Variants in DMD observed in about 807,000 individuals in gnomAD.
The protein encoded by DMD is dystrophin.
A neutral mutation model predicts 330.1 loss-of-function variants in DMD; 63 were observed. That is an observed-to-expected ratio of 0.19 (90% confidence interval 0.16 to 0.24). The LOEUF is 0.24. Among genes scored for constraint, DMD ranks in the 10% least tolerant of loss-of-function variants. The pLI is 1.00. For missense variants in DMD, 3,344 were observed against 2,684.1 expected (o/e 1.25, Z -5.43); for synonymous variants, 1,223 against 959.8 (o/e 1.27, Z -5.07).
intron 64 of DMD, among the ~76,000 whole-genome samples, chrX:31,213,449 AC>A (rs201233279): frequency 0.074 from 8,283 of 111,465 alleles, 299 homozygotes; most frequent in Admixed American, 0.15. Flanking sequence ...GATATAAGAA[AC>A]CCTGGCTGAA....
chrX:32,768,670 C>T (rs982205730), intron 7 of DMD, among the ~76,000 whole-genome samples: 11 of 111,752 alleles, frequency 9.8e-5, no homozygotes, highest in South Asian at 3.7e-4. Flanking sequence ...ACTGGGACCA[C>T]GATTTTCTTA....
chrX:32,249,971 T>A (rs760704288), intron 43 of DMD, among the ~76,000 whole-genome samples: 1 of 104,518 alleles, frequency 9.6e-6, no homozygotes, highest in South Asian at 4.0e-4. Flanking sequence ...TTAAAACTAT[T>A]TTGTACATAA....
intron 59 of DMD, among the ~76,000 whole-genome samples, chrX:31,447,848 G>C (rs925148014): frequency 9.3e-6 from 1 of 106,969 alleles, no homozygotes; most frequent in African/African-American, 3.4e-5. Context: ...CTCTACTAAA[G>C]ATACAAAAAT....
intron 2 of DMD, among the ~76,000 whole-genome samples, chrX:32,951,369 G>GA (rs1393009390): frequency 9.0e-6 from 1 of 111,474 alleles, no homozygotes; most frequent in East Asian, 2.8e-4. Context: ...AATTTTAAGG[G>GA]GAAAATATCA....
At chrX:32,264,143 G>A (rs184169947) in intron 43 of DMD, among the ~76,000 whole-genome samples, 174 of 110,580 alleles carry the variant, frequency 1.6e-3, no homozygotes, top group Non-Finnish European at 2.5e-3. Flanking sequence ...GGTCACTCCC[G>A]TGCTGCTGTT....
intron 44 of DMD, chrX:32,205,963 A>G (rs1318082350): frequency 2.4e-6 from 1 of 415,004 alleles, no homozygotes. Context: ...CTAAAGGCCG[A>G]CAAAGATGAT....
At chrX:31,383,675 C>T (rs762673605) in intron 60 of DMD, among the ~76,000 whole-genome samples, 2 of 111,931 alleles carry the variant, frequency 1.8e-5, no homozygotes, top group African/African-American at 6.5e-5. Context: ...GTAAAAATCC[C>T]AGGCTCAGCC....
intron 64 of DMD, among the ~76,000 whole-genome samples, chrX:31,216,601 C>T (rs1421616000): frequency 8.9e-6 from 1 of 112,191 alleles, no homozygotes; most frequent in Non-Finnish European, 1.9e-5. Context: ...TCGAGACCCC[C>T]TTGCTGTGGA....
At chrX:32,064,289 CTA>C (rs2096247196) in intron 44 of DMD, among the ~76,000 whole-genome samples, 1 of 111,104 alleles carries the variant, frequency 9.0e-6, no homozygotes, top group Non-Finnish European at 1.9e-5. Flanking sequence ...AAGACAATTT[CTA>C]TGTGTGTGTG....
Position 32,496,629 on chromosome X carries a change from CTCTT to C in DMD, c.2381-5115_2381-5112del, listed in dbSNP as rs770097602. Among the ~76,000 whole-genome samples, 583 of 112,761 alleles carry C rather than the reference CTCTT, an allele frequency of 5.2e-3. 9 individuals carry two copies. Among genetic ancestry groups the C allele is most frequent in the African/African-American group, 0.017 (514 of 31,097 alleles). On this transcript the variant is annotated intron_variant, in intron 19 of 78. Transcript: ENST00000357033. Reference sequence around the variant, plus strand: ...CCACAACAACAGTGACAACAACAGTCTCTTTCTTTCACACACATGGACACACACA... The same window carrying C: ...CCACAACAACAGTGACAACAACAGTCTCTTTCACACACATGGACACACACA...
rs187427206 is a variant in DMD, at chrX:32,491,939, T to A, written c.2381-421A>T. 4.3e-3 allele frequency among the ~76,000 whole-genome samples: 482 copies of A among 112,186 alleles called. 2 individuals carry two copies. The highest frequency in any genetic ancestry group is 7.2e-3 in the Non-Finnish European group (384 of 53,217). ...TCCCCAAACTAACTTACATTTTTAA[T>A]TTTAAAAATGGGCTTGGAAATTAGT... On this transcript the variant is annotated intron_variant, in intron 19 of 78. Coordinates refer to ENST00000357033, the MANE Select transcript of DMD (RefSeq NM_004006.3).
chrX:31,125,354 G>C (rs906428690), intron 78 of DMD, among the ~76,000 whole-genome samples: 1 of 111,811 alleles, frequency 8.9e-6, no homozygotes, highest in Non-Finnish European at 1.9e-5. Flanking sequence ...CCAAAGCCTT[G>C]GAAGGAGGCA....
rs769841482 is a variant in DMD, at chrX:31,976,721, T to C, written c.6439-8207A>G. Among the ~76,000 whole-genome samples the C allele has an allele frequency of 4.5e-5, 5 of 111,673 alleles. No homozygotes were observed. The South Asian group carries it at 1.9e-3, about 41-fold the overall frequency. On this transcript the variant is annotated intron_variant, in intron 44 of 78. Coordinates refer to ENST00000357033, the MANE Select transcript of DMD (RefSeq NM_004006.3). ...AATGGTCAAAGGTGATTTCAAAATA[T>C]GTTTTGAGAAAGTGTTGTGCTTTAA...
chrX:32,708,627 G>T (rs1285054131), intron 7 of DMD, among the ~76,000 whole-genome samples: 1 of 111,559 alleles, frequency 9.0e-6, no homozygotes, highest in Admixed American at 9.6e-5. Flanking sequence ...TTTGTGGAAT[G>T]CCTACCATGT....
intron 1 of DMD, among the ~76,000 whole-genome samples, chrX:33,185,083 C>A (rs1036394880): frequency 2.7e-5 from 3 of 110,472 alleles, no homozygotes; most frequent in African/African-American, 9.9e-5. Context: ...TTAGAAAATA[C>A]AGTGTCTCTC....
At position 32,398,808 on chromosome X, in the gene DMD, A is replaced by C. The variant is rs182203596; in HGVS notation, c.4234-8627T>G. Among the ~76,000 whole-genome samples, 25 of 111,838 alleles carry C rather than the reference A, an allele frequency of 2.2e-4. No individual in the cohort carries two copies. In the East Asian group the frequency reaches 6.8e-3, roughly 30 times the overall value. On this transcript the variant is annotated intron_variant, in intron 30 of 78. Coordinates refer to ENST00000357033, the MANE Select transcript of DMD (RefSeq NM_004006.3). ...ATATATCCTAAGCAAAAAAGAATGA[A>C]ACTGGAGGAATCACTTTACCTAACT...
intron 55 of DMD, among the ~76,000 whole-genome samples, chrX:31,531,394 A>T (rs1172278970): frequency 1.0e-4 from 5 of 50,112 alleles, no homozygotes; most frequent in Non-Finnish European, 1.4e-4. Flanking sequence ...GATATCTCAT[A>T]GTGGTTTTGA....
At chrX:31,344,826 A>G (rs1405378367) in intron 61 of DMD, among the ~76,000 whole-genome samples, 1 of 109,983 alleles carries the variant, frequency 9.1e-6, no homozygotes, top group African/African-American at 3.3e-5. Context: ...TCAAAAAACA[A>G]AAAAATAAAA....
intron 21 of DMD, among the ~76,000 whole-genome samples, chrX:32,473,757 A>T (rs2040906478): frequency 1.8e-5 from 2 of 111,764 alleles, no homozygotes; most frequent in Admixed American, 9.6e-5. Flanking sequence ...CTGATTTCTT[A>T]TTAAAAGATA....
Sources: gnomAD v4.1 joint callset for allele counts (sites outside exome capture counted in the v4.1 genomes callset) on GRCh38, gnomAD v4.1.1 for gene constraint, MANE v1.5 for transcripts, NCBI Gene and HGNC (gene_info 2026-07-23, HGNC 2026-07-21) for gene names.